EPB41L4A: variants seen among roughly 807,000 people sequenced by gnomAD.
The protein encoded by EPB41L4A is erythrocyte membrane protein band 4.1 like 4A.
Under a neutral mutation model 108.6 loss-of-function variants are expected in EPB41L4A, and 100 were observed. That is an observed-to-expected ratio of 0.92 (90% confidence interval 0.78 to 1.09). The LOEUF is 1.09. Among genes scored for constraint, EPB41L4A ranks in the 50% least tolerant of loss-of-function variants. The pLI is 0.00. For synonymous variants in EPB41L4A, 319 were observed against 289.0 expected (o/e 1.10, Z -1.05); for missense variants, 1,030 against 842.7 (o/e 1.22, Z -2.75).
chr5:112,167,660 G>C (rs1375935766), intron 22 of EPB41L4A, among the ~76,000 whole-genome samples: 2 of 152,116 alleles, frequency 1.3e-5, no homozygotes, highest in Non-Finnish European at 2.9e-5. Flanking sequence ...AGCCATCTCA[G>C]CTCTAGAGCT....
At chr5:112,243,158 G>A (rs1050659191) in intron 9 of EPB41L4A, among the ~76,000 whole-genome samples, 2 of 147,974 alleles carry the variant, frequency 1.4e-5, no homozygotes, top group Non-Finnish European at 2.9e-5. Context: ...AGGTTGCAGT[G>A]AGCCGAGATC....
In EPB41L4A at chr5:112,307,412, G is replaced by T. The variant is rs754706257; in HGVS notation, c.178C>A (p.Arg60Ser). The T allele has an allele frequency of 3.7e-6, 6 of 1,612,552 alleles. No homozygotes were observed. Among genetic ancestry groups the T allele is most frequent in the Non-Finnish European group, 5.1e-6 (6 of 1,178,936 alleles). ...NLVEIDYFGL[R>S]YCDRSHQTYW... ...GTCTGATGGCTTCTGTCACAGTAAC[G>T]TAGCCCAAAATAATCTATCTCCACA... The change falls in exon 2 of 23, where the codon CGT (arginine) becomes AGT (serine). Residue 60 changes from arginine (R) to serine (S), a missense_variant. Physicochemically the swap from Arg to Ser is moderately radical, Grantham distance 110. Coordinates refer to ENST00000261486, the MANE Select transcript of EPB41L4A (RefSeq NM_022140.5).
chr5:112,321,942 A>G (rs1755810522), intron 1 of EPB41L4A, among the ~76,000 whole-genome samples: 1 of 152,192 alleles, frequency 6.6e-6, no homozygotes, highest in African/African-American at 2.4e-5. Flanking sequence ...ACCTGGGGGA[A>G]ATTCTAAGTT....
At chr5:112,379,553 G>A (rs1158725986) in intron 1 of EPB41L4A, among the ~76,000 whole-genome samples, 1 of 152,146 alleles carries the variant, frequency 6.6e-6, no homozygotes. Context: ...TGATCATCCT[G>A]GAGTTTGGCC....
intron 1 of EPB41L4A, among the ~76,000 whole-genome samples, chr5:112,376,333 T>C (rs1165067880): frequency 6.6e-6 from 1 of 152,200 alleles, no homozygotes; most frequent in Non-Finnish European, 1.5e-5. Context: ...GAAATATCAC[T>C]ATATATCTAA....
intron 3 of EPB41L4A, 151 bp downstream of exon 3, chr5:112,280,121 C>T (rs927521978): frequency 1.5e-6 from 1 of 686,868 alleles, no homozygotes; most frequent in African/African-American, 1.8e-5. Context: ...CCTAGCAATG[C>T]ACACAATACA....
At chr5:112,349,790 G>A (rs557275476) in intron 1 of EPB41L4A, among the ~76,000 whole-genome samples, 46 of 152,322 alleles carry the variant, frequency 3.0e-4, no homozygotes, top group African/African-American at 1.1e-3. Flanking sequence ...CTGATAGTGG[G>A]AAAACAGGCA....
chr5:112,331,428 G>C (rs1023820010), intron 1 of EPB41L4A, among the ~76,000 whole-genome samples: 5 of 152,230 alleles, frequency 3.3e-5, no homozygotes, highest in African/African-American at 4.8e-5. Context: ...TGCTTTCCTT[G>C]TTTATAACAC....
At chr5:112,343,240 A>G (rs1307088584) in intron 1 of EPB41L4A, among the ~76,000 whole-genome samples, 1 of 152,198 alleles carries the variant, frequency 6.6e-6, no homozygotes, top group African/African-American at 2.4e-5. Context: ...AACACATCCT[A>G]AGAGGCAGCT....
At chr5:112,400,759 T>C (rs1420977985) in intron 1 of EPB41L4A, among the ~76,000 whole-genome samples, 1 of 152,168 alleles carries the variant, frequency 6.6e-6, no homozygotes, top group Non-Finnish European at 1.5e-5. Flanking sequence ...GTTGTTCTAA[T>C]TTAATGTATG....
At chr5:112,264,745 T>A (rs917241359) in intron 6 of EPB41L4A, 151 bp downstream of exon 6, 1 of 671,778 alleles carries the variant, frequency 1.5e-6, no homozygotes, top group Non-Finnish European at 2.3e-6. Flanking sequence ...ATGAGCATTT[T>A]AGAGTTAAAA....
chr5:112,364,942 T>C (rs989334269), intron 1 of EPB41L4A, among the ~76,000 whole-genome samples: 25 of 152,316 alleles, frequency 1.6e-4, no homozygotes, highest in Admixed American at 1.4e-3. Context: ...GTATACAGTA[T>C]TATTTGATGG....
intron 9 of EPB41L4A, among the ~76,000 whole-genome samples, chr5:112,252,524 C>G (rs1042400316): frequency 2.0e-5 from 3 of 152,130 alleles, no homozygotes; most frequent in Non-Finnish European, 4.4e-5. Flanking sequence ...AGGCAGGAGT[C>G]AGATTGAAAG....
chr5:112,413,161 G>T (rs1762509206), intron 1 of EPB41L4A, among the ~76,000 whole-genome samples: 1 of 152,166 alleles, frequency 6.6e-6, no homozygotes, highest in African/African-American at 2.4e-5. Context: ...AAAGACTCAG[G>T]TTGGAAGGGG....
intron 1 of EPB41L4A, among the ~76,000 whole-genome samples, chr5:112,318,361 C>T (rs1024744575): frequency 6.6e-6 from 1 of 152,186 alleles, no homozygotes; most frequent in East Asian, 1.9e-4. Flanking sequence ...ATTTTCAAGA[C>T]TAATTTAAAG....
At chr5:112,269,053 C>T (rs781765073) in intron 4 of EPB41L4A, among the ~76,000 whole-genome samples, 1 of 152,122 alleles carries the variant, frequency 6.6e-6, no homozygotes, top group Non-Finnish European at 1.5e-5. Context: ...TTAGTAACTG[C>T]ATTCCCAGTA....
chr5:112,153,576 T>TATAGAG (rs1193247896), intron 12 of EPB41L4A, among the ~76,000 whole-genome samples: 2 of 147,476 alleles, frequency 1.4e-5, no homozygotes, highest in African/African-American at 4.9e-5. Context: ...CATATATATA[T>TATAGAG]AGAGAGAGAG....
chr5:112,388,402 T>C (rs768995792), intron 1 of EPB41L4A, among the ~76,000 whole-genome samples: 1 of 152,186 alleles, frequency 6.6e-6, no homozygotes, highest in African/African-American at 2.4e-5. Flanking sequence ...GGCTCCTCTA[T>C]GTATCTGACT....
chr5:112,299,183 T>C (rs903463496), intron 2 of EPB41L4A, among the ~76,000 whole-genome samples: 14 of 152,206 alleles, frequency 9.2e-5, no homozygotes, highest in African/African-American at 2.9e-4. Flanking sequence ...CTTCATTCTG[T>C]TGGGTTTGGT....
Sources: gnomAD v4.1 joint callset for allele counts (sites outside exome capture counted in the v4.1 genomes callset) on GRCh38, gnomAD v4.1.1 for gene constraint, MANE v1.5 for transcripts, NCBI Gene and HGNC (gene_info 2026-07-23, HGNC 2026-07-21) for gene names.